The following CHMP2B variants were observed in gnomAD, a reference collection of about 807,000 sequenced individuals.
CHMP2B encodes the protein VPS2 homolog B.
A neutral mutation model predicts 29.8 loss-of-function variants in CHMP2B; 22 were observed. That is an observed-to-expected ratio of 0.74 (90% confidence interval 0.53 to 1.05). The LOEUF (loss-of-function observed/expected upper bound fraction) is 1.05, where lower values mean the gene tolerates loss of function less well. Ranked by LOEUF, CHMP2B falls within the 50% of genes least tolerant of loss-of-function variation. CHMP2B has a pLI of 0.00. For missense variants in CHMP2B, 261 were observed against 252.2 expected, an observed-to-expected ratio of 1.03 and a Z score of -0.24; for synonymous variants, 78 against 75.8, an observed-to-expected ratio of 1.03 and a Z score of -0.15.
intron 1 of CHMP2B, among the ~76,000 whole-genome samples, chr3:87,236,200 T>C (rs1052737947): frequency 6.6e-6 from 1 of 152,102 alleles, no homozygotes; most frequent in African/African-American, 2.4e-5. Context: ...TTCCCACCCT[T>C]TAGTCAAGTG....
At chr3:87,238,694 G>C (rs573812845) in intron 1 of CHMP2B, among the ~76,000 whole-genome samples, 7 of 152,062 alleles carry the variant, frequency 4.6e-5, no homozygotes, top group African/African-American at 1.7e-4. Flanking sequence ...TTGTTTATCT[G>C]TGCACCTCTT....
At position 87,253,417 on chromosome 3, in the gene CHMP2B, T is replaced by C; in HGVS notation, c.438T>C (p.Leu146=). The change falls in exon 5 of 6, where the codon CTT becomes CTC. Residue 146 remains leucine, a synonymous_variant. Coordinates refer to ENST00000263780, the MANE Select transcript of CHMP2B (RefSeq NM_014043.4). ...EMTEEMINDT[L]DDIFDGSDDE... ...CATATCCCCTAGTCAATGATACACT[T>C]GATGACATCTTTGACGGTTCTGATG... 1 of 1,604,034 alleles carries C rather than the reference T, an allele frequency of 6.2e-7. No individual in the cohort carries two copies. The highest frequency in any genetic ancestry group is 8.5e-7 in the Non-Finnish European group (1 of 1,171,152).
intron 4 of CHMP2B, chr3:87,253,099 T>A: frequency 3.6e-6 from 1 of 281,268 alleles, no homozygotes; most frequent in South Asian, 3.9e-5. Context: ...AAATAATATT[T>A]AAAAATCTTA....
rs1705831273 is a variant in CHMP2B at position 87,227,507 on chromosome 3, G to A, written c.-16G>A. 8 of 1,614,034 alleles carry A rather than the reference G, an allele frequency of 5.0e-6. No individual in the cohort carries two copies. In the East Asian group the frequency reaches 1.8e-4, roughly 36 times the overall value. On this transcript the variant is annotated 5_prime_UTR_variant, in exon 1 of 6. Transcript: ENST00000263780. ...GGACCGGGCCGAGCCGGGCCGCCCG[G>A]GCGCAGTCTTTAACCATGGCGTCCC...
intron 2 of CHMP2B, 106 bp downstream of exon 2, chr3:87,240,896 TTTAC>T (rs1207350052): frequency 2.0e-5 from 16 of 805,072 alleles, no homozygotes; most frequent in Non-Finnish European, 3.5e-5. Context: ...TGGTAAGTGA[TTTAC>T]TTAATTAAGA....
rs531022045 is a variant in CHMP2B, at chr3:87,227,724, A to G, written c.34+168A>G. On this transcript the variant is annotated intron_variant, in intron 1 of 5. Transcript: ENST00000263780. ...CTTCTCTGCCTCCCTCTTGCTTCTGACTCACCTCACCTTAGGCTCACCTAG... is the reference window on the plus strand; with the variant it reads ...CTTCTCTGCCTCCCTCTTGCTTCTGGCTCACCTCACCTTAGGCTCACCTAG... Among the ~76,000 whole-genome samples, 19 of 151,800 alleles carry G rather than the reference A, an allele frequency of 1.3e-4. No individual in the cohort carries two copies. The East Asian group carries it at 1.6e-3, about 12-fold the overall frequency.
chr3:87,240,525 G>A, intron 1 of CHMP2B, 174 bp from the exon 2 acceptor site: 2 of 535,258 alleles, frequency 3.7e-6, no homozygotes, highest in Non-Finnish European at 7.0e-6. Flanking sequence ...GGTCAGGCTG[G>A]TCTCGAACTC....
At chr3:87,247,016 G>A (rs993732745) in intron 3 of CHMP2B, among the ~76,000 whole-genome samples, 1 of 152,124 alleles carries the variant, frequency 6.6e-6, no homozygotes, top group Non-Finnish European at 1.5e-5. Context: ...TTGTGAATAT[G>A]AAGTGCAAAA....
chr3:87,253,926 AAATG>A lies in CHMP2B; in HGVS notation c.*107_*110del. ...CACATGTATTTTGCAAAAAAAAAAA[AAATG>A]AAGACCATGAGTGAACAGTTGTTTC... On this transcript the variant is annotated 3_prime_UTR_variant, in exon 6 of 6. Coordinates refer to ENST00000263780, the MANE Select transcript of CHMP2B (RefSeq NM_014043.4). 1 of 789,510 alleles carries A rather than the reference AAATG, an allele frequency of 1.3e-6. No homozygotes were observed. The highest frequency in any genetic ancestry group is 2.1e-6 in the Non-Finnish European group (1 of 480,578). 48.9% of individuals were successfully genotyped at this position (789,510 alleles called of 1,614,324 possible).
At chr3:87,248,436 C>G (rs1393456772) in intron 3 of CHMP2B, among the ~76,000 whole-genome samples, 1 of 151,764 alleles carries the variant, frequency 6.6e-6, no homozygotes, top group Admixed American at 6.6e-5. Flanking sequence ...TGGCTCACTG[C>G]AACCCCTGCC....
intron 1 of CHMP2B, among the ~76,000 whole-genome samples, chr3:87,234,447 AC>A (rs938861658): frequency 5.3e-5 from 8 of 152,208 alleles, no homozygotes; most frequent in African/African-American, 1.4e-4. Context: ...AGTAAGAAGA[AC>A]CTGAAAGACT....
chr3:87,228,543 A>G (rs1435125501), intron 1 of CHMP2B, among the ~76,000 whole-genome samples: 1 of 152,226 alleles, frequency 6.6e-6, no homozygotes, highest in African/African-American at 2.4e-5. Flanking sequence ...CCAGACCTGG[A>G]CGTAACTCCT....
In CHMP2B at chr3:87,254,187, G is replaced by T; in HGVS notation, c.*365G>T. The T allele has an allele frequency of 4.6e-6, 1 of 215,472 alleles. No homozygotes were observed. Among genetic ancestry groups the T allele is most frequent in the Non-Finnish European group, 9.4e-6 (1 of 106,096 alleles). 13.3% of individuals were successfully genotyped at this position (215,472 alleles called of 1,614,324 possible). On this transcript the variant is annotated 3_prime_UTR_variant, in exon 6 of 6. Coordinates refer to ENST00000263780, the MANE Select transcript of CHMP2B (RefSeq NM_014043.4). ...TGCCATTAGGCACCAACTTAAAGAG[G>T]GTTGTAAAAATATTAAAAGTATATC...
At position 87,253,389 on chromosome 3, in the gene CHMP2B, T is replaced by C; in HGVS notation, c.425-15T>C. The C allele has an allele frequency of 6.8e-7, 1 of 1,471,246 alleles. No homozygotes were observed. The allele number at this position is 1,471,246 out of a possible 1,614,324, so 91.1% of individuals were successfully genotyped here. On this transcript the variant is annotated splice_polypyrimidine_tract_variant and intron_variant, in intron 4 of 5. Coordinates refer to ENST00000263780, the MANE Select transcript of CHMP2B (RefSeq NM_014043.4). ...TTGAAAGTAACTGCTTTGCTCCTTC[T>C]CCCATATCCCCTAGTCAATGATACA...
chr3:87,242,708 A>G (rs1169010236), intron 2 of CHMP2B, among the ~76,000 whole-genome samples: 1 of 152,132 alleles, frequency 6.6e-6, no homozygotes, highest in Non-Finnish European at 1.5e-5. Flanking sequence ...CAACATAATT[A>G]TTGCTGACAC....
intron 1 of CHMP2B, among the ~76,000 whole-genome samples, chr3:87,228,183 G>A (rs1339384578): frequency 6.6e-6 from 1 of 152,026 alleles, no homozygotes; most frequent in Non-Finnish European, 1.5e-5. Context: ...AAAGAGATGG[G>A]GTATATATTG....
intron 1 of CHMP2B, among the ~76,000 whole-genome samples, chr3:87,236,509 T>C (rs1209331120): frequency 6.6e-6 from 1 of 152,256 alleles, no homozygotes; most frequent in South Asian, 2.1e-4. Context: ...GTTTAACTTC[T>C]GAGTATAGTG....
rs775571812 is a variant in CHMP2B at position 87,227,502 on chromosome 3, G to T, written c.-21G>T. 10 of 1,614,082 alleles carry T rather than the reference G, an allele frequency of 6.2e-6. No individual in the cohort carries two copies. In the South Asian group the frequency reaches 8.8e-5, roughly 14 times the overall value. On this transcript the variant is annotated 5_prime_UTR_variant, in exon 1 of 6. Coordinates refer to ENST00000263780, the MANE Select transcript of CHMP2B (RefSeq NM_014043.4). ...GGGCCGGACCGGGCCGAGCCGGGCCGCCCGGGCGCAGTCTTTAACCATGGC... is the reference window on the plus strand; with the variant it reads ...GGGCCGGACCGGGCCGAGCCGGGCCTCCCGGGCGCAGTCTTTAACCATGGC...
rs1706299900 is a variant in CHMP2B, at chr3:87,250,657, G to A, written c.424+680G>A. Among the ~76,000 whole-genome samples, 3 of 151,812 alleles carry A rather than the reference G, an allele frequency of 2.0e-5. 1 individual carries two copies. Among genetic ancestry groups the A allele is most frequent in the Admixed American group, 6.6e-5 (1 of 15,236 alleles). Reference sequence around the variant, plus strand: ...TTCTCTGAAGTCTTTTTAAAAAATAGCTTTAATATCATTTAACATCAGTAT... The same window carrying A: ...TTCTCTGAAGTCTTTTTAAAAAATAACTTTAATATCATTTAACATCAGTAT... On this transcript the variant is annotated intron_variant, in intron 4 of 5. Coordinates refer to ENST00000263780, the MANE Select transcript of CHMP2B (RefSeq NM_014043.4).
Sources: gnomAD v4.1 joint callset for allele counts (sites outside exome capture counted in the v4.1 genomes callset) on GRCh38, gnomAD v4.1.1 for gene constraint, MANE v1.5 for transcripts, NCBI Gene and HGNC (gene_info 2026-07-23, HGNC 2026-07-21) for gene names.